METTL3: variants seen among roughly 807,000 people sequenced by gnomAD.
METTL3 encodes the protein methyltransferase 3, N6-adenosine-methyltransferase complex catalytic subunit.
METTL3 carries 42 observed loss-of-function variants against 64.3 expected under a neutral mutation model. The observed-to-expected ratio is 0.65, with a 90% CI of 0.51 to 0.84. The LOEUF (loss-of-function observed/expected upper bound fraction) is 0.84, where lower values mean the gene tolerates loss of function less well. METTL3 is among the 40% of genes least tolerant of loss of function. The probability of loss-of-function intolerance (pLI) is 0.00; values close to 1 mark genes in which losing one functional copy is unlikely to be tolerated. For synonymous variants in METTL3, 256 were observed against 263.6 expected (o/e 0.97, Z 0.28); for missense variants, 435 against 722.3 (o/e 0.60, Z 4.56).
At chr14:21,502,888 T>G (rs1461180419) in intron 3 of METTL3, 4 of 339,046 alleles carry the variant, frequency 1.2e-5, no homozygotes, top group African/African-American at 8.3e-5. Flanking sequence ...TGTTGACACT[T>G]TGGGACAGAC....
intron 4 of METTL3, chr14:21,501,338 G>T: frequency 1.7e-6 from 1 of 579,922 alleles, no homozygotes; most frequent in South Asian, 2.1e-5. Flanking sequence ...GTAAAGACTT[G>T]GTTTCCTGTT....
intron 4 of METTL3, chr14:21,501,459 T>C: frequency 3.6e-6 from 2 of 562,738 alleles, no homozygotes; most frequent in Non-Finnish European, 6.3e-6. Flanking sequence ...CAGAGTACTT[T>C]AACTTTCACT....
intron 3 of METTL3, 178 bp downstream of exon 3, chr14:21,502,995 A>ATG (rs33950610): frequency 0.085 from 58,286 of 686,666 alleles, 3,048 homozygotes; most frequent in African/African-American, 0.19. Flanking sequence ...GCACTCCCCC[A>ATG]TGTGTGACAA....
chr14:21,502,931 C>T lies in METTL3; in HGVS notation c.723+242G>A, dbSNP rs981845712. On this transcript the variant is annotated intron_variant, in intron 3 of 10. Transcript: ENST00000298717. ...TGTTGTGGGGGTTTGTCCCACTATG[C>T]ACTGTAGGATGTTTGACAACATCCC... 23 of 478,468 alleles carry T rather than the reference C, an allele frequency of 4.8e-5. 1 individual carries two copies. The highest frequency in any genetic ancestry group is 7.8e-5 in the Non-Finnish European group (21 of 268,264). 29.6% of individuals were successfully genotyped at this position (478,468 alleles called of 1,614,324 possible).
intron 3 of METTL3, chr14:21,502,928 A>G (rs1891604703): frequency 2.1e-6 from 1 of 467,478 alleles, no homozygotes; most frequent in Non-Finnish European, 3.8e-6. Context: ...TTGTCCCACT[A>G]TGCACTGTAG....
chr14:21,501,108 AGT>A lies in METTL3; in HGVS notation c.919_920del (p.Thr307Ter). The A allele has an allele frequency of 6.2e-7, 1 of 1,613,456 alleles. No homozygotes were observed. Among genetic ancestry groups the A allele is most frequent in the Non-Finnish European group, 8.5e-7 (1 of 1,179,650 alleles). ...AAGAGCAGTCACCTAAAGACTCATC[AGT>A]GTGTTTATTGATAATTCGTCTGGGA... ...LHFRRIINKH[T>X]DESLGDCSFL... is the part of the protein sequence containing the mutation. On this transcript the variant is annotated frameshift_variant, in exon 5 of 11. Transcript: ENST00000298717. LOFTEE classifies it high-confidence loss of function.
At chr14:21,507,184 A>AAAATAAATAAATAAAT (rs530857504) in intron 1 of METTL3, among the ~76,000 whole-genome samples, 4 of 151,910 alleles carry the variant, frequency 2.6e-5, no homozygotes, top group African/African-American at 9.7e-5. Context: ...TCTGTCTCAA[A>AAAATAAATAAATAAAT]AAATAAATAA....
In METTL3 at chr14:21,500,641, C is replaced by A; in HGVS notation, c.1158G>T (p.Leu386Phe). ...CDIRYLDVSI[L>F]GKFAVVMADP... ...CAGCCATCACAACTGCAAACTTGCC[C>A]AAGATACTGACGTCCAGGTAGCGGA... Residue 386 changes from leucine to phenylalanine, a missense_variant, in exon 6 of 11, where the codon TTG becomes TTT. Leu to Phe is a conservative substitution (Grantham distance 22). Around this residue, in one of 9 missense-constraint regions of METTL3, gnomAD observed 67 missense variants for 71.5 expected, o/e 0.94. Transcript: ENST00000298717. 6.2e-7 allele frequency: 1 copy of A among 1,614,060 alleles called. No individual in the cohort carries two copies. Among genetic ancestry groups the A allele is most frequent in the Non-Finnish European group, 8.5e-7 (1 of 1,179,996 alleles).
Position 21,511,245 on chromosome 14 carries a change from C to T in METTL3, c.-22G>A. On this transcript the variant is annotated 5_prime_UTR_variant, in exon 1 of 11. The change creates a new upstream start codon in the 5' untranslated region. Coordinates refer to ENST00000298717, the MANE Select transcript of METTL3 (RefSeq NM_019852.5). ...ACATCCTAGTCTCCCAGCCCTGACA[C>T]CTCTCGAATAAGGCGCGGCGGACTA... 6.2e-7 allele frequency: 1 copy of T among 1,609,822 alleles called. No homozygotes were observed.
chr14:21,499,155 G>T lies in METTL3; in HGVS notation c.1519-18C>A. ...GAACGAACCTAGGAAATAAAAACTA[G>T]CTGCTTTTTAAGTTACACAAGATTG... is the stretch of plus-strand genomic sequence containing the variant. On this transcript the variant is annotated intron_variant, in intron 9 of 10. Transcript: ENST00000298717. 6.2e-7 allele frequency: 1 copy of T among 1,602,892 alleles called. No individual in the cohort carries two copies. The highest frequency in any genetic ancestry group is 8.5e-7 in the Non-Finnish European group (1 of 1,169,842).
Position 21,499,546 on chromosome 14 carries a change from G to T in METTL3, c.1398C>A (p.Ile466=), listed in dbSNP as rs140146410. ...IWVKTNQLQR[I]IRTGRTGHWL... ...AGTGACCTGTACGGCCTGTCCGAAT[G>T]ATGCGTTGCAGTTGATTTGTCTTCA... The change falls in exon 8 of 11, where the codon ATC becomes ATA. Residue 466 remains isoleucine (I), a synonymous_variant. Coordinates refer to ENST00000298717, the MANE Select transcript of METTL3 (RefSeq NM_019852.5). 3 of 1,614,090 alleles carry T rather than the reference G, an allele frequency of 1.9e-6. No individual in the cohort carries two copies. The African/African-American group carries it at 4.0e-5, about 22-fold the overall frequency.
intron 8 of METTL3, 56 bp from the exon 9 acceptor site, chr14:21,499,427 CAGT>C: frequency 1.2e-6 from 2 of 1,611,594 alleles, no homozygotes; most frequent in Non-Finnish European, 1.7e-6. Context: ...AACTTTTTCT[CAGT>C]AAGAAATCAA....
At chr14:21,502,009 C>CA in intron 3 of METTL3, 106 bp from the exon 4 acceptor site, 5 of 704,546 alleles carry the variant, frequency 7.1e-6, no homozygotes, top group South Asian at 2.0e-5. Flanking sequence ...AGAGATAAAT[C>CA]AACTTTTTTT....
At chr14:21,507,824 A>G (rs1891734781) in intron 1 of METTL3, 2 of 152,244 alleles carry the variant, frequency 1.3e-5, no homozygotes, top group African/African-American at 4.8e-5. Context: ...AATAATCAAA[A>G]TAACACAGAA....
chr14:21,502,158 A>G (rs1230253071), intron 3 of METTL3, among the ~76,000 whole-genome samples: 1 of 152,048 alleles, frequency 6.6e-6, no homozygotes, highest in African/African-American at 2.4e-5. Context: ...GTAGCTGGGA[A>G]TATAGGTGCG....
rs944802690 is a variant in METTL3, at chr14:21,510,805, G to GC, written c.100+318dup. Reference sequence around the variant, plus strand: ...AACAAAAAGGGGTTCTTGCTGCTTCGCGGGATAGGGGGCTGAGCAGCCTCA... The same window carrying GC: ...AACAAAAAGGGGTTCTTGCTGCTTCGCCGGGATAGGGGGCTGAGCAGCCTCA... On this transcript the variant is annotated intron_variant, in intron 1 of 10. Coordinates refer to ENST00000298717, the MANE Select transcript of METTL3 (RefSeq NM_019852.5). 3 of 283,428 alleles carry GC rather than the reference G, an allele frequency of 1.1e-5. No homozygotes were observed. In the Admixed American group the frequency reaches 1.6e-4, roughly 15 times the overall value. The allele number at this position is 283,428 out of a possible 1,614,324, so 17.6% of individuals were successfully genotyped here. A position where few individuals can be genotyped will look rare whatever the true frequency, so the allele number is the denominator to read the frequency against.
Position 21,511,207 on chromosome 14 carries a change from C to T in METTL3, c.17G>A (p.Ser6Asn), listed in dbSNP as rs757495340. 2.5e-6 allele frequency: 4 copies of T among 1,613,784 alleles called. No individual in the cohort carries two copies. Among genetic ancestry groups the T allele is most frequent in the East Asian group, 2.2e-5 (1 of 44,872 alleles). Reference sequence around the variant, plus strand: ...CTGCTTCTTGTGGGCCTGGATAGAGCTCCACGTGTCCGACATCCTAGTCTC... The same window carrying T: ...CTGCTTCTTGTGGGCCTGGATAGAGTTCCACGTGTCCGACATCCTAGTCTC... MSDTW[S>N]SIQAHKKQLD... Residue 6 changes from serine to asparagine, a missense_variant, in exon 1 of 11, where the codon AGC (serine) becomes AAC (asparagine). This residue lies in a region of METTL3 where 228 missense variants were observed against 279.6 expected (regional missense o/e 0.82). Transcript: ENST00000298717.
intron 1 of METTL3, among the ~76,000 whole-genome samples, chr14:21,505,865 A>G (rs1028134948): frequency 2.0e-5 from 3 of 151,198 alleles, no homozygotes; most frequent in Middle Eastern, 6.8e-3. Flanking sequence ...AAAATAATAC[A>G]TAACACTTGA....
rs1037989014 is a variant in METTL3 at position 21,502,004 on chromosome 14, T to G, written c.724-101A>C. ...TTTGACATTAATGTCTTCTAAGAGA[T>G]AAATCAACTTTTTTTTTTTTTTTTT... On this transcript the variant is annotated intron_variant, in intron 3 of 10. Transcript: ENST00000298717. 4.0e-5 allele frequency: 32 copies of G among 803,130 alleles called. 1 individual carries two copies. The highest frequency in any genetic ancestry group is 2.9e-4 in the Middle Eastern group (1 of 3,438). 49.8% of individuals were successfully genotyped at this position (803,130 alleles called of 1,614,324 possible).
Sources: allele counts gnomAD v4.1 joint callset (sites outside exome capture counted in the v4.1 genomes callset), GRCh38; gene constraint gnomAD v4.1.1; regional missense constraint gnomAD v4.1.1; transcripts MANE v1.5; gene names NCBI Gene and HGNC (gene_info 2026-07-23, HGNC 2026-07-21).